SIM1: variants seen among roughly 807,000 people sequenced by gnomAD.
SIM1 encodes single-minded homolog 1.
A neutral mutation model predicts 78.2 loss-of-function variants in SIM1; 18 were observed. That is an observed-to-expected ratio of 0.23 (90% CI 0.16 to 0.34). The LOEUF is 0.34. Ranked by LOEUF, SIM1 falls within the 10% of genes least tolerant of loss-of-function variation. SIM1 has a pLI of 1.00. For synonymous variants in SIM1, 417 were observed against 385.2 expected, an observed-to-expected ratio of 1.08 and a Z score of -0.97; for missense variants, 939 against 975.1, an observed-to-expected ratio of 0.96 and a Z score of 0.49.
chr6:100,417,610 AG>A (rs1771438062), intron 10 of SIM1, among the ~76,000 whole-genome samples: 2 of 152,230 alleles, frequency 1.3e-5, no homozygotes, highest in Non-Finnish European at 2.9e-5. Context: ...TTAGAATCCA[AG>A]ATGGAGGACT....
At position 100,387,954 on chromosome 6, in the gene SIM1, A is replaced by G. The variant is rs1375557876; in HGVS notation, c.*2407T>C. ...TAGCCACCAGAAATACCCATCTGTGAAAATTACCTTTCCAAAATACACCAT... is the reference window on the plus strand; with the variant it reads ...TAGCCACCAGAAATACCCATCTGTGGAAATTACCTTTCCAAAATACACCAT... On this transcript the variant is annotated 3_prime_UTR_variant, in exon 12 of 12. Coordinates refer to ENST00000369208, the MANE Select transcript of SIM1 (RefSeq NM_005068.3). 1 of 152,126 alleles carries G rather than the reference A, an allele frequency of 6.6e-6. No individual in the cohort carries two copies. Among genetic ancestry groups the G allele is most frequent in the East Asian group, 1.9e-4 (1 of 5,192 alleles). 9.4% of individuals were successfully genotyped at this position (152,126 alleles called of 1,614,324 possible).
chr6:100,420,812 G>A lies in SIM1; in HGVS notation c.1145C>T (p.Ser382Phe), dbSNP rs774273867. ...TACCTGAGGGTATGGGGAAGTCCTGGATTTTGACTTTGAGCTGGAGAGCCG... is the reference window on the plus strand; with the variant it reads ...TACCTGAGGGTATGGGGAAGTCCTGAATTTTGACTTTGAGCTGGAGAGCCG... ...KSRLSSSKSK[S>F]RTSPYPQYSG... Residue 382 changes from serine (S) to phenylalanine (F), a missense_variant, in exon 10 of 12, where the codon TCC becomes TTC. This residue lies in a region of SIM1 where 556 missense variants were observed against 521.9 expected (regional missense o/e 1.07). Transcript: ENST00000369208. 6.2e-7 allele frequency: 1 copy of A among 1,614,028 alleles called. No homozygotes were observed. The highest frequency in any genetic ancestry group is 8.5e-7 in the Non-Finnish European group (1 of 1,180,036).
At chr6:100,411,870 G>T (rs1045825458) in intron 10 of SIM1, among the ~76,000 whole-genome samples, 1 of 152,072 alleles carries the variant, frequency 6.6e-6, no homozygotes, top group Non-Finnish European at 1.5e-5. Flanking sequence ...AAAAATAGGG[G>T]CAATGCATGC....
rs150694838 is a variant in SIM1, at chr6:100,393,777, C to T, written c.1280G>A (p.Gly427Asp). Residue 427 changes from glycine (G) to aspartate (D), a missense_variant, in exon 11 of 12, where the codon GGC becomes GAC. Gly to Asp is a moderately conservative substitution (Grantham distance 94). Around this residue, in one of 5 missense-constraint regions of SIM1, gnomAD observed 556 missense variants for 521.9 expected, o/e 1.07. Transcript: ENST00000369208. ...PQLLDPADRP[G>D]SQHDASCAYR... is the part of the protein sequence containing the mutation. Reference sequence around the variant, plus strand: ...GGCGCACGATGCGTCGTGCTGGGAGCCAGGCCTATCGGCGGGGTCCAGAAG... The same window carrying T: ...GGCGCACGATGCGTCGTGCTGGGAGTCAGGCCTATCGGCGGGGTCCAGAAG... 6.2e-7 allele frequency: 1 copy of T among 1,614,080 alleles called. No homozygotes were observed. The highest frequency in any genetic ancestry group is 1.3e-5 in the African/African-American group (1 of 75,040).
chr6:100,415,515 C>T (rs1771376027), intron 10 of SIM1, among the ~76,000 whole-genome samples: 1 of 152,142 alleles, frequency 6.6e-6, no homozygotes, highest in African/African-American at 2.4e-5. Flanking sequence ...TTTTCCAAAA[C>T]CATTCAAAAC....
Position 100,412,637 on chromosome 6 carries a change from A to AG in SIM1, c.1167+8152_1167+8153insC, listed in dbSNP as rs1554220868. Among the ~76,000 whole-genome samples the AG allele has an allele frequency of 2.4e-4, 22 of 91,706 alleles. 1 individual carries two copies. Among genetic ancestry groups the AG allele is most frequent in the African/African-American group, 7.9e-4 (20 of 25,460 alleles). 60.2% of individuals were successfully genotyped at this position (91,706 alleles called of 152,430 possible). On this transcript the variant is annotated intron_variant, in intron 10 of 11. Transcript: ENST00000369208. The stretch of plus-strand genomic sequence containing the variant: ...GAAAGAAAGAAGGAAAGAAAGAAAG[A>AG]AAAGAAAGAAAGAAAGAAAGAGAGA...
chr6:100,410,218 A>G (rs940905333), intron 10 of SIM1, among the ~76,000 whole-genome samples: 1 of 152,178 alleles, frequency 6.6e-6, no homozygotes, highest in Non-Finnish European at 1.5e-5. Flanking sequence ...CTTTAGTTTT[A>G]ATAATATTTT....
intron 2 of SIM1, chr6:100,463,078 G>T (rs184448536): frequency 9.9e-4 from 483 of 489,100 alleles, no homozygotes; most frequent in Non-Finnish European, 1.4e-3. Context: ...ATGGACTGAA[G>T]AGAAAGTATT....
chr6:100,448,164 G>A lies in SIM1; in HGVS notation c.832C>T (p.Arg278Cys). 1 of 1,613,378 alleles carries A rather than the reference G, an allele frequency of 6.2e-7. No homozygotes were observed. The highest frequency in any genetic ancestry group is 2.2e-5 in the East Asian group (1 of 44,866). Reference protein sequence around the residue: ...HVHGCDTFHLRCAHHLLLVKG... With the variant: ...HVHGCDTFHLCCAHHLLLVKG... ...GCCTTACGCAAATGGTGCGCGCAGC[G>A]CAGGTGGAAGGTGTCGCAGCCGTGC... Residue 278 changes from arginine to cysteine, a missense_variant, in exon 8 of 12, where the codon CGC becomes TGC. Transcript: ENST00000369208.
At position 100,449,633 on chromosome 6, in the gene SIM1, C is replaced by A. The variant is rs747793677; in HGVS notation, c.415G>T (p.Val139Leu). Reference protein sequence around the residue: ...HPADHDEMTAVLTAHQPYHSH... With the variant: ...HPADHDEMTALLTAHQPYHSH... ...TGGTAGGGTTGATGGGCGGTGAGCA[C>A]CGCCGTCATCTCGTCGTGGTCTGCC... Residue 139 changes from valine to leucine, a missense_variant, in exon 5 of 12, where the codon GTG (valine) becomes TTG (leucine). By Grantham distance (32) the Val-to-Leu change is conservative. This residue lies in a region of SIM1 where 187 missense variants were observed against 191.6 expected (regional missense o/e 0.98). Coordinates refer to ENST00000369208, the MANE Select transcript of SIM1 (RefSeq NM_005068.3). The A allele has an allele frequency of 1.3e-5, 21 of 1,614,132 alleles. No homozygotes were observed. The highest frequency in any genetic ancestry group is 1.8e-5 in the Non-Finnish European group (21 of 1,180,034).
At chr6:100,411,725 C>T (rs1173382099) in intron 10 of SIM1, among the ~76,000 whole-genome samples, 5 of 151,604 alleles carry the variant, frequency 3.3e-5, no homozygotes, top group Non-Finnish European at 7.4e-5. Flanking sequence ...GATTATAGTC[C>T]AAGAGAGGAG....
intron 9 of SIM1, among the ~76,000 whole-genome samples, chr6:100,428,244 G>C (rs1771787812): frequency 6.6e-6 from 1 of 152,042 alleles, no homozygotes. Context: ...AGCCAAACTG[G>C]AATTTTAAAT....
rs375331827 is a variant in SIM1 at position 100,448,379 on chromosome 6, CAT to C, written c.743+98_743+99del. The C allele has an allele frequency of 6.3e-5, 89 of 1,413,312 alleles. No homozygotes were observed. In the East Asian group the frequency reaches 1.8e-3, roughly 29 times the overall value. The allele number at this position is 1,413,312 out of a possible 1,614,324, so 87.5% of individuals were successfully genotyped here. On this transcript the variant is annotated intron_variant, in intron 7 of 11. Coordinates refer to ENST00000369208, the MANE Select transcript of SIM1 (RefSeq NM_005068.3). The stretch of plus-strand genomic sequence containing the variant: ...CTTTCCAGGGCCGATTCAGTCGCCT[CAT>C]GTGCAAAATGGGCTCATAGGATAGA...
intron 10 of SIM1, among the ~76,000 whole-genome samples, chr6:100,398,099 G>T (rs763249592): frequency 2.6e-5 from 4 of 152,100 alleles, no homozygotes; most frequent in African/African-American, 7.2e-5. Flanking sequence ...CTAGAAAACA[G>T]TTTGGCAGCT....
intron 9 of SIM1, among the ~76,000 whole-genome samples, chr6:100,436,057 C>T (rs1441765514): frequency 6.6e-6 from 1 of 152,182 alleles, no homozygotes; most frequent in East Asian, 1.9e-4. Context: ...CCCACTGTCT[C>T]TCCTCCCTAC....
chr6:100,397,386 A>G (rs1770794203), intron 10 of SIM1, among the ~76,000 whole-genome samples: 1 of 152,178 alleles, frequency 6.6e-6, no homozygotes, highest in Non-Finnish European at 1.5e-5. Context: ...ACAAACTTCA[A>G]ATATGCTCAA....
At chr6:100,411,164 G>T (rs73760887) in intron 10 of SIM1, among the ~76,000 whole-genome samples, 1,581 of 152,272 alleles carry the variant, frequency 0.01, 28 homozygotes, top group African/African-American at 0.036. Context: ...AAACAAACAT[G>T]GGTAACTGAG....
At chr6:100,448,361 G>A (rs1772417006) in intron 7 of SIM1, 109 bp from the exon 8 acceptor site, 2 of 1,383,240 alleles carry the variant, frequency 1.4e-6, no homozygotes, top group Non-Finnish European at 2.0e-6. Flanking sequence ...TCACTTTCCA[G>A]GGCCGATTCA....
At position 100,436,742 on chromosome 6, in the gene SIM1, A is replaced by ATTTTT. The variant is rs58593533; in HGVS notation, c.998+10521_998+10525dup. On this transcript the variant is annotated intron_variant, in intron 9 of 11. Coordinates refer to ENST00000369208, the MANE Select transcript of SIM1 (RefSeq NM_005068.3). ...TTTTGTTTTTGTTTTTGTTTTTGGT[A>ATTTTT]TTTTTTTTTTTTTTTGAGATGGCCT... is the stretch of plus-strand genomic sequence containing the variant. 9.8e-4 allele frequency among the ~76,000 whole-genome samples: 132 copies of ATTTTT among 134,206 alleles called. 1 individual carries two copies. Among genetic ancestry groups the ATTTTT allele is most frequent in the African/African-American group, 3.5e-3 (128 of 36,316 alleles). 88.0% of individuals were successfully genotyped at this position (134,206 alleles called of 152,430 possible). A position where few individuals can be genotyped will look rare whatever the true frequency, so the allele number is the denominator to read the frequency against.
Sources: gnomAD v4.1 joint callset for allele counts (sites outside exome capture counted in the v4.1 genomes callset) on GRCh38, gnomAD v4.1.1 for gene constraint, gnomAD v4.1.1 regional missense constraint, MANE v1.5 for transcripts, NCBI Gene and HGNC (gene_info 2026-07-23, HGNC 2026-07-21) for gene names.